The following RCAN2 variants were observed in gnomAD, a reference collection of about 807,000 sequenced individuals.
RCAN2 encodes calcipressin-2.
In RCAN2, 9 loss-of-function variants were observed where a neutral mutation model predicts 23.6. The ratio of observed to expected loss-of-function variants is 0.38; its 90% CI spans 0.23 to 0.67. The LOEUF (loss-of-function observed/expected upper bound fraction) is 0.67. Among genes scored for constraint, RCAN2 ranks in the 30% least tolerant of loss-of-function variants. RCAN2 has a pLI of 0.51. For missense variants in RCAN2, 273 were observed against 302.3 expected (o/e 0.90, Z 0.72); for synonymous variants, 109 against 115.7 (o/e 0.94, Z 0.37).
intron 2 of RCAN2, among the ~76,000 whole-genome samples, chr6:46,427,764 C>T (rs746832102): frequency 7.2e-5 from 11 of 152,186 alleles, no homozygotes; most frequent in Non-Finnish European, 1.3e-4. Flanking sequence ...GAGAAACCAA[C>T]AGATAGACAA....
intron 2 of RCAN2, among the ~76,000 whole-genome samples, chr6:46,271,018 T>A (rs1012030187): frequency 6.6e-6 from 1 of 152,212 alleles, no homozygotes; most frequent in African/African-American, 2.4e-5. Context: ...GATTCCTGAT[T>A]CATACATACT....
At chr6:46,361,344 T>C (rs147741386) in intron 2 of RCAN2, among the ~76,000 whole-genome samples, 2,600 of 152,306 alleles carry the variant, frequency 0.017, 55 homozygotes, top group South Asian at 0.12. Flanking sequence ...TAGTCACCTT[T>C]GACTCCCAGG....
At chr6:46,458,712 A>G (rs377302103) in intron 1 of RCAN2, among the ~76,000 whole-genome samples, 15 of 152,330 alleles carry the variant, frequency 9.8e-5, no homozygotes, top group Admixed American at 2.0e-4. Flanking sequence ...GACAACTTCA[A>G]TGAAACATGT....
chr6:46,357,101 C>G (rs914416067), intron 2 of RCAN2, among the ~76,000 whole-genome samples: 1 of 152,120 alleles, frequency 6.6e-6, no homozygotes. Flanking sequence ...AGCAGGCTGC[C>G]ATATCAGGCT....
At chr6:46,486,043 C>T (rs1768981977) in intron 1 of RCAN2, among the ~76,000 whole-genome samples, 1 of 152,124 alleles carries the variant, frequency 6.6e-6, no homozygotes, top group South Asian at 2.1e-4. Context: ...TTAGTAGGTC[C>T]CTATTGTGAC....
chr6:46,224,493 AC>A (rs1765581944), intron 4 of RCAN2, among the ~76,000 whole-genome samples: 1 of 152,118 alleles, frequency 6.6e-6, no homozygotes, highest in Admixed American at 6.6e-5. Flanking sequence ...TTTTGGTCAA[AC>A]TGGTTTATCT....
chr6:46,251,442 A>G (rs189945072), intron 2 of RCAN2, among the ~76,000 whole-genome samples: 61 of 152,326 alleles, frequency 4.0e-4, no homozygotes, highest in Admixed American at 1.1e-3. Flanking sequence ...TATATAGAGT[A>G]TAATATTTTT....
chr6:46,365,525 A>T (rs929941733), intron 2 of RCAN2, among the ~76,000 whole-genome samples: 7 of 152,096 alleles, frequency 4.6e-5, no homozygotes, highest in Admixed American at 4.6e-4. Flanking sequence ...GAAAAAAAGA[A>T]AAAAAAGAGA....
chr6:46,301,534 A>G (rs754021177), intron 2 of RCAN2, among the ~76,000 whole-genome samples: 1 of 152,110 alleles, frequency 6.6e-6, no homozygotes, highest in Non-Finnish European at 1.5e-5. Flanking sequence ...TACTAAAGGC[A>G]CTGTTCTAGT....
intron 2 of RCAN2, among the ~76,000 whole-genome samples, chr6:46,397,721 C>T (rs926839757): frequency 1.3e-5 from 2 of 152,140 alleles, no homozygotes; most frequent in African/African-American, 4.8e-5. Flanking sequence ...TTAGTCAGCT[C>T]TCATCCCAAA....
chr6:46,355,674 G>A (rs529148252), intron 2 of RCAN2, among the ~76,000 whole-genome samples: 9 of 152,178 alleles, frequency 5.9e-5, no homozygotes, highest in Non-Finnish European at 1.2e-4. Flanking sequence ...GAAATCTTCA[G>A]TTTTGTTATT....
chr6:46,240,010 G>A (rs999157665), intron 4 of RCAN2, among the ~76,000 whole-genome samples: 1 of 152,150 alleles, frequency 6.6e-6, no homozygotes, highest in African/African-American at 2.4e-5. Context: ...AAGATAAAGA[G>A]GGAGAGCGAC....
At chr6:46,439,103 A>G (rs1767455167) in intron 2 of RCAN2, among the ~76,000 whole-genome samples, 1 of 152,212 alleles carries the variant, frequency 6.6e-6, no homozygotes, top group East Asian at 1.9e-4. Flanking sequence ...CCACTGTAGG[A>G]GATACTTGGA....
chr6:46,370,472 C>G (rs1228242935), intron 2 of RCAN2, among the ~76,000 whole-genome samples: 1 of 152,160 alleles, frequency 6.6e-6, no homozygotes, highest in East Asian at 1.9e-4. Context: ...TTAAATTCAG[C>G]AAATGGGAGT....
chr6:46,387,527 G>A (rs1765793511), intron 2 of RCAN2, among the ~76,000 whole-genome samples: 1 of 152,188 alleles, frequency 6.6e-6, no homozygotes, highest in South Asian at 2.1e-4. Flanking sequence ...GGCCATCAGA[G>A]AAATGCATAT....
chr6:46,257,346 G>C (rs533144474), intron 2 of RCAN2, among the ~76,000 whole-genome samples: 3 of 152,058 alleles, frequency 2.0e-5, no homozygotes, highest in Non-Finnish European at 4.4e-5. Flanking sequence ...AGCAAGAATT[G>C]GAATTTTTGT....
At chr6:46,380,206 T>C (rs1258654583) in intron 2 of RCAN2, among the ~76,000 whole-genome samples, 5 of 152,226 alleles carry the variant, frequency 3.3e-5, no homozygotes, top group Admixed American at 3.3e-4. Flanking sequence ...CTCAGAAAGG[T>C]CTGGGGAAAC....
chr6:46,352,324 A>G (rs1046677332), intron 2 of RCAN2, among the ~76,000 whole-genome samples: 1 of 152,218 alleles, frequency 6.6e-6, no homozygotes, highest in Non-Finnish European at 1.5e-5. Context: ...AAAAAGATGG[A>G]TCAATAAGTG....
chr6:46,316,637 C>T (rs1014004042), intron 2 of RCAN2, among the ~76,000 whole-genome samples: 2 of 152,134 alleles, frequency 1.3e-5, no homozygotes, highest in Admixed American at 6.5e-5. Context: ...AATCTGAGGC[C>T]GTGACCATAG....
Sources: gnomAD v4.1 joint callset for allele counts (sites outside exome capture counted in the v4.1 genomes callset) on GRCh38, gnomAD v4.1.1 for gene constraint, MANE v1.5 for transcripts, NCBI Gene and HGNC (gene_info 2026-07-23, HGNC 2026-07-21) for gene names.